EPB41L3: variants seen among roughly 807,000 people sequenced by gnomAD.
EPB41L3 encodes the protein erythrocyte membrane protein band 4.1 like 3, also known as band 4.1-like protein 3.
EPB41L3 carries 57 observed loss-of-function variants against 127.1 expected under a neutral mutation model. The observed-to-expected ratio is 0.45, with a 90% CI of 0.36 to 0.56. The LOEUF (loss-of-function observed/expected upper bound fraction) is 0.56, where lower values mean the gene tolerates loss of function less well. Among genes scored for constraint, EPB41L3 ranks in the 20% least tolerant of loss-of-function variants. EPB41L3 has a pLI of 0.00. For missense variants in EPB41L3, 1,273 were observed against 1,372.2 expected (o/e 0.93, Z 1.14); for synonymous variants, 572 against 549.5 (o/e 1.04, Z -0.57).
intron 1 of EPB41L3, among the ~76,000 whole-genome samples, chr18:5,518,781 A>G (rs549710184): frequency 2.0e-5 from 3 of 152,340 alleles, no homozygotes; most frequent in African/African-American, 7.2e-5. Context: ...CCCTCCTGAC[A>G]GGCACACAGG....
chr18:5,520,026 T>C (rs979918669), intron 1 of EPB41L3, among the ~76,000 whole-genome samples: 2 of 152,210 alleles, frequency 1.3e-5, no homozygotes, highest in Non-Finnish European at 1.5e-5. Flanking sequence ...AGCTTGTCCA[T>C]GGTTCTCTGC....
chr18:5,592,260 G>A (rs186089198), intron 3 of EPB41L3, among the ~76,000 whole-genome samples: 3 of 152,230 alleles, frequency 2.0e-5, no homozygotes, highest in Admixed American at 1.3e-4. Flanking sequence ...TCCACCTCGC[G>A]GGTTGAGGTG....
At chr18:5,417,974 C>T (rs1467212242) in intron 12 of EPB41L3, among the ~76,000 whole-genome samples, 2 of 152,170 alleles carry the variant, frequency 1.3e-5, no homozygotes, top group African/African-American at 4.8e-5. Context: ...CCTAGGGGAC[C>T]AGCCTTTCAA....
At chr18:5,522,024 A>T (rs2093011123) in intron 1 of EPB41L3, among the ~76,000 whole-genome samples, 1 of 152,140 alleles carries the variant, frequency 6.6e-6, no homozygotes, top group South Asian at 2.1e-4. Flanking sequence ...ACACCTCAAA[A>T]CGATGTTTAC....
chr18:5,514,785 CAAG>C (rs1333408896), intron 1 of EPB41L3, among the ~76,000 whole-genome samples: 1 of 152,102 alleles, frequency 6.6e-6, no homozygotes, highest in African/African-American at 2.4e-5. Flanking sequence ...ATGTTTCTGA[CAAG>C]AAGGTGGGAT....
chr18:5,615,860 C>T (rs2094788541), intron 1 of EPB41L3, among the ~76,000 whole-genome samples: 1 of 152,136 alleles, frequency 6.6e-6, no homozygotes, highest in African/African-American at 2.4e-5. Flanking sequence ...AGGACAACCC[C>T]TATCTGTATC....
intron 7 of EPB41L3, 86 bp downstream of exon 7, chr18:5,433,817 G>T: frequency 6.9e-7 from 1 of 1,439,386 alleles, no homozygotes; most frequent in Non-Finnish European, 9.8e-7. Flanking sequence ...TTAATGGACT[G>T]AAATCAGTAC....
intron 5 of EPB41L3, among the ~76,000 whole-genome samples, chr18:5,441,381 T>C (rs1425950794): frequency 6.6e-6 from 1 of 152,192 alleles, no homozygotes; most frequent in Non-Finnish European, 1.5e-5. Context: ...TCTGCCTTGG[T>C]TGAATGTAAA....
At chr18:5,597,536 T>C (rs996809733) in intron 3 of EPB41L3, among the ~76,000 whole-genome samples, 5 of 152,154 alleles carry the variant, frequency 3.3e-5, no homozygotes, top group African/African-American at 1.2e-4. Context: ...TTAGGAAAAT[T>C]TGCAATTATT....
At chr18:5,425,016 G>C (rs954105782) in intron 9 of EPB41L3, among the ~76,000 whole-genome samples, 1 of 151,902 alleles carries the variant, frequency 6.6e-6, no homozygotes, top group Non-Finnish European at 1.5e-5. Flanking sequence ...TTGATTTTTC[G>C]AGGTGAAATA....
intron 8 of EPB41L3, among the ~76,000 whole-genome samples, chr18:5,432,441 T>C (rs759402918): frequency 4.6e-5 from 7 of 152,182 alleles, no homozygotes; most frequent in Non-Finnish European, 8.8e-5. Flanking sequence ...AACAATGTCA[T>C]CCTGTTGGAC....
intron 1 of EPB41L3, among the ~76,000 whole-genome samples, chr18:5,532,177 T>C (rs927443769): frequency 2.6e-5 from 4 of 152,184 alleles, no homozygotes; most frequent in African/African-American, 4.8e-5. Flanking sequence ...AATGATAGTA[T>C]CTACAGGAGC....
chr18:5,620,903 T>C (rs2094853213), intron 1 of EPB41L3, among the ~76,000 whole-genome samples: 1 of 152,128 alleles, frequency 6.6e-6, no homozygotes, highest in South Asian at 2.1e-4. Context: ...AATCTCTCCA[T>C]ATTACTCCTT....
chr18:5,512,732 G>C (rs2092586860), intron 1 of EPB41L3, among the ~76,000 whole-genome samples: 1 of 152,274 alleles, frequency 6.6e-6, no homozygotes, highest in African/African-American at 2.4e-5. Context: ...GGAAGGCAGG[G>C]AGGATGGGGA....
chr18:5,393,377 C>A lies in EPB41L3; in HGVS notation c.*108G>T. On this transcript the variant is annotated 3_prime_UTR_variant, in exon 23 of 23. Coordinates refer to ENST00000341928, the MANE Select transcript of EPB41L3 (RefSeq NM_012307.5). Reference sequence around the variant, plus strand: ...AATTCTTCTGGACTGAAATTTTCCACGGACAGATACAAGTCAGTTGGGTTA... The same window carrying A: ...AATTCTTCTGGACTGAAATTTTCCAAGGACAGATACAAGTCAGTTGGGTTA... The A allele has an allele frequency of 1.6e-6, 1 of 617,878 alleles. No homozygotes were observed. The highest frequency in any genetic ancestry group is 2.9e-6 in the Non-Finnish European group (1 of 344,654). 38.3% of individuals were successfully genotyped at this position (617,878 alleles called of 1,614,324 possible). A position where few individuals can be genotyped will look rare whatever the true frequency, so the allele number is the denominator to read the frequency against.
At chr18:5,587,504 G>T (rs1176716358) in intron 3 of EPB41L3, among the ~76,000 whole-genome samples, 1 of 152,098 alleles carries the variant, frequency 6.6e-6, no homozygotes, top group Non-Finnish European at 1.5e-5. Flanking sequence ...TATATACAGG[G>T]TTCAGTACTA....
intron 3 of EPB41L3, among the ~76,000 whole-genome samples, chr18:5,477,021 A>G (rs913285057): frequency 1.3e-5 from 2 of 152,218 alleles, no homozygotes; most frequent in African/African-American, 4.8e-5. Flanking sequence ...TTCAAAAACC[A>G]TATAGACTTT....
intron 22 of EPB41L3, chr18:5,394,174 G>C (rs1285942105): frequency 6.6e-6 from 1 of 152,600 alleles, no homozygotes; most frequent in African/African-American, 2.4e-5. Flanking sequence ...CAAAACTAAA[G>C]ACAAAAGCAT....
intron 3 of EPB41L3, among the ~76,000 whole-genome samples, chr18:5,581,092 C>G (rs1428893654): frequency 2.0e-5 from 3 of 152,108 alleles, no homozygotes; most frequent in African/African-American, 7.2e-5. Flanking sequence ...TCAGATTTTT[C>G]TAATTTTCAA....
Sources: allele counts gnomAD v4.1 joint callset (sites outside exome capture counted in the v4.1 genomes callset), GRCh38; gene constraint gnomAD v4.1.1; transcripts MANE v1.5; gene names NCBI Gene and HGNC (gene_info 2026-07-23, HGNC 2026-07-21).